Variants in RNF14 observed in about 807,000 individuals in gnomAD.
RNF14 encodes the protein E3 ubiquitin-protein ligase RNF14.
In RNF14, 26 loss-of-function variants were observed where a neutral mutation model predicts 52.6. That is an observed-to-expected ratio of 0.49 (90% confidence interval 0.36 to 0.69). RNF14 has a LOEUF of 0.69. RNF14 is among the 30% of genes least tolerant of loss of function. The pLI, the probability that RNF14 is intolerant of heterozygous loss-of-function variation, is 0.00. For missense variants in RNF14, 404 were observed against 560.4 expected (o/e 0.72, Z 2.82); for synonymous variants, 194 against 202.0 (o/e 0.96, Z 0.34).
chr5:141,958,026 G>A, upstream of RNF14: 1 of 708,280 alleles, frequency 1.4e-6, no homozygotes, highest in South Asian at 2.0e-5. Context: ...CCAAGGCAAG[G>A]CCATCTTCAT....
At chr5:141,964,938 AT>A (rs76293615), upstream of RNF14, among the ~76,000 whole-genome samples, 5 of 151,776 alleles carry the variant, frequency 3.3e-5, no homozygotes, top group South Asian at 2.1e-4. Flanking sequence ...GAAACCTCTA[AT>A]TTTTTTTAAA....
At chr5:141,956,971 G>T (rs1753195315), upstream of RNF14, 1 of 1,614,096 alleles carries the variant, frequency 6.2e-7, no homozygotes, top group Non-Finnish European at 8.5e-7. Context: ...AATACTGAAG[G>T]TGTCCAGCAC....
intron 6 of RNF14, among the ~76,000 whole-genome samples, chr5:141,980,819 G>A (rs984910878): frequency 1.3e-5 from 2 of 152,214 alleles, no homozygotes; most frequent in African/African-American, 4.8e-5. Flanking sequence ...ATGGAATAAT[G>A]TAGATCCTGG....
At chr5:141,956,303 C>T, upstream of RNF14, 1 of 1,614,178 alleles carries the variant, frequency 6.2e-7, no homozygotes, top group Non-Finnish European at 8.5e-7. Flanking sequence ...TGAGCAGTGA[C>T]CTCTCCTGTG....
chr5:141,982,293 AT>A (rs1457364746), intron 6 of RNF14, among the ~76,000 whole-genome samples: 18 of 152,226 alleles, frequency 1.2e-4, no homozygotes, highest in Non-Finnish European at 2.6e-4. Flanking sequence ...ACAAAAATGC[AT>A]TGAATTATTA....
intron 5 of RNF14, among the ~76,000 whole-genome samples, chr5:141,979,223 G>C (rs1405463318): frequency 1.9e-5 from 1 of 53,660 alleles, no homozygotes; most frequent in Non-Finnish European, 4.4e-5. Flanking sequence ...AGCCTACTTA[G>C]GTGGTGGTGG....
chr5:141,957,956 C>A, upstream of RNF14: 2 of 1,332,424 alleles, frequency 1.5e-6, no homozygotes, highest in South Asian at 1.4e-5. This position sits in a 1 kb window ranked among gnomAD's most constrained non-coding sequence, Gnocchi z 4.3. Flanking sequence ...GTGCTCCTTC[C>A]CCCAGAGCTG....
chr5:141,974,909 C>T lies in RNF14; in HGVS notation c.260C>T (p.Ser87Phe), dbSNP rs1754111531. Residue 87 changes from serine to phenylalanine, a missense_variant, in exon 4 of 9, where the codon TCC (serine) becomes TTC (phenylalanine). Transcript: ENST00000394520. Reference sequence around the variant, plus strand: ...CTGCCACCAGATTATCCATCCTCTTCCCCACCTTCATTCACACTTAGTGGC... The same window carrying T: ...CTGCCACCAGATTATCCATCCTCTTTCCCACCTTCATTCACACTTAGTGGC... ...FELPPDYPSS[S>F]PPSFTLSGKW... 1 of 1,614,030 alleles carries T rather than the reference C, an allele frequency of 6.2e-7. No individual in the cohort carries two copies. The highest frequency in any genetic ancestry group is 1.1e-5 in the South Asian group (1 of 91,066).
upstream of RNF14, chr5:141,955,789 C>T (rs539906627): frequency 2.7e-5 from 44 of 1,613,752 alleles, no homozygotes; most frequent in East Asian, 4.5e-5. This position sits in a 1 kb window ranked among gnomAD's most constrained non-coding sequence, Gnocchi z 5.5. Context: ...CAACAGGGCT[C>T]GGGTCTGTAA....
At chr5:141,975,198 T>C (rs568626384) in intron 4 of RNF14, among the ~76,000 whole-genome samples, 1 of 152,342 alleles carries the variant, frequency 6.6e-6, no homozygotes, top group Non-Finnish European at 1.5e-5. Context: ...TTTAATCAAG[T>C]ATATTATTTC....
intron 7 of RNF14, among the ~76,000 whole-genome samples, chr5:141,984,493 C>T (rs955013722): frequency 2.0e-5 from 3 of 152,196 alleles, no homozygotes; most frequent in Admixed American, 6.5e-5. Context: ...AAAACCCACA[C>T]GTTACATCCA....
rs565118128 is a variant in RNF14 at position 141,972,576 on chromosome 5, G to A, written c.-6-1007G>A. ...AAGAAAACTTGCCCTAAAGATTCCT[G>A]TGGATTTAAAAAATTTACTTTTTTG... is the stretch of plus-strand genomic sequence containing the variant. On this transcript the variant is annotated intron_variant, in intron 2 of 8. Coordinates refer to ENST00000394520, the MANE Select transcript of RNF14 (RefSeq NM_004290.5). Among the ~76,000 whole-genome samples the A allele has an allele frequency of 3.6e-4, 55 of 152,082 alleles. 2 individuals carry two copies. In the South Asian group the frequency reaches 0.011, roughly 30 times the overall value.
upstream of RNF14, among the ~76,000 whole-genome samples, chr5:141,954,622 T>C (rs75294728): frequency 0.012 from 1,810 of 152,308 alleles, 31 homozygotes; most frequent in African/African-American, 0.041. Flanking sequence ...CTTATACTCT[T>C]AATCACTACC....
At chr5:141,984,734 A>G in intron 7 of RNF14, 69 bp from the exon 8 acceptor site, 2 of 1,471,348 alleles carry the variant, frequency 1.4e-6, no homozygotes, top group Non-Finnish European at 1.9e-6. Flanking sequence ...GTACTGAATC[A>G]TTTTGGCATG....
intron 4 of RNF14, among the ~76,000 whole-genome samples, chr5:141,977,948 T>C (rs769000509): frequency 2.0e-5 from 3 of 152,228 alleles, no homozygotes; most frequent in Non-Finnish European, 4.4e-5. Context: ...TTGTCCTACA[T>C]GAGGTATATG....
intron 1 of RNF14, among the ~76,000 whole-genome samples, chr5:141,961,333 G>A (rs945195858): frequency 7.9e-5 from 12 of 152,260 alleles, no homozygotes; most frequent in African/African-American, 2.9e-4. Flanking sequence ...TCACACTGGG[G>A]ACATGAAGCT....
upstream of RNF14, chr5:141,957,183 G>C (rs199646351): frequency 3.7e-6 from 6 of 1,614,044 alleles, no homozygotes; most frequent in Admixed American, 1.0e-4. This position sits in a 1 kb window ranked among gnomAD's most constrained non-coding sequence, Gnocchi z 4.3. Context: ...TACCTGACTT[G>C]GGGGGGTTCC....
Position 141,985,529 on chromosome 5 carries a change from C to CT in RNF14, c.1367+604dup, listed in dbSNP as rs564647173. ...TTAATACAGAAAAGCTTTGGCCCACCTTTTTTTTGTGTGTGTTTTGTGAAC... is the reference window on the plus strand; with the variant it reads ...TTAATACAGAAAAGCTTTGGCCCACCTTTTTTTTTGTGTGTGTTTTGTGAAC... On this transcript the variant is annotated intron_variant, in intron 8 of 8. Transcript: ENST00000394520. Among the ~76,000 whole-genome samples, 1,074 of 151,850 alleles carry CT rather than the reference C, an allele frequency of 7.1e-3. 13 individuals carry two copies. The highest frequency in any genetic ancestry group is 0.024 in the African/African-American group (994 of 41,428).
Position 141,980,355 on chromosome 5 carries a change from T to C in RNF14, c.1063+4T>C, listed in dbSNP as rs1754660351. The C allele has an allele frequency of 6.2e-7, 1 of 1,609,900 alleles. No individual in the cohort carries two copies. The stretch of plus-strand genomic sequence containing the variant: ...TCCCCATGTAAGGTGACTGCAGGTA[T>C]GTTTTAACTGTGAACCCAAACCCCC... On this transcript the variant is annotated splice_donor_region_variant and intron_variant, in intron 6 of 8. Coordinates refer to ENST00000394520, the MANE Select transcript of RNF14 (RefSeq NM_004290.5).
Sources: gnomAD v4.1 joint callset for allele counts (sites outside exome capture counted in the v4.1 genomes callset) on GRCh38, gnomAD v4.1.1 for gene constraint, Gnocchi (gnomAD v3.1) non-coding constraint, MANE v1.5 for transcripts, NCBI Gene and HGNC (gene_info 2026-07-23, HGNC 2026-07-21) for gene names.